Variants in GOT1 observed in about 807,000 individuals in gnomAD.
GOT1 encodes aspartate aminotransferase, cytoplasmic.
Under a neutral mutation model 48.2 loss-of-function variants are expected in GOT1, and 25 were observed. That is an observed-to-expected ratio of 0.52 (90% CI 0.38 to 0.72). GOT1 has a LOEUF of 0.72. GOT1 is among the 30% of genes least tolerant of loss of function. The pLI is 0.00. For missense variants in GOT1, 380 were observed against 520.1 expected (o/e 0.73, Z 2.62); for synonymous variants, 188 against 193.8 (o/e 0.97, Z 0.25).
intron 8 of GOT1, among the ~76,000 whole-genome samples, chr10:99,401,685 T>A (rs1424941027): frequency 6.6e-6 from 1 of 150,722 alleles, no homozygotes; most frequent in Non-Finnish European, 1.5e-5. Flanking sequence ...AAAGAAGAAA[T>A]GACTCTTCTG....
chr10:99,403,677 G>A, intron 6 of GOT1, 43 bp from the exon 7 acceptor site: 2 of 1,613,908 alleles, frequency 1.2e-6, no homozygotes, highest in East Asian at 2.2e-5. Flanking sequence ...CTGAAGCAGG[G>A]AGTGATGCGA....
In GOT1 at chr10:99,402,688, G is replaced by C. The variant is rs4564264; in HGVS notation, c.994C>G (p.Leu332Val). The change falls in exon 8 of 9, where the codon CTG (leucine) becomes GTG (valine). Residue 332 changes from leucine (L) to valine (V), a missense_variant. Coordinates refer to ENST00000370508, the MANE Select transcript of GOT1 (RefSeq NM_002079.3). Reference sequence around the variant, plus strand: ...GCCCTGAGTTCAGATCTCATGGTCAGAATCCGGTCAGCCATTGTCTTCACA... The same window carrying C: ...GCCCTGAGTTCAGATCTCATGGTCACAATCCGGTCAGCCATTGTCTTCACA... ...GNVKTMADRI[L>V]TMRSELRARL... The C allele has an allele frequency of 1.2e-6, 2 of 1,613,920 alleles. No individual in the cohort carries two copies. The highest frequency in any genetic ancestry group is 4.5e-5 in the East Asian group (2 of 44,872).
At position 99,424,219 on chromosome 10, in the gene GOT1, T is replaced by C. The variant is rs183335699; in HGVS notation, c.119-3414A>G. 2.3e-3 allele frequency among the ~76,000 whole-genome samples: 350 copies of C among 152,322 alleles called. 2 individuals carry two copies. The highest frequency in any genetic ancestry group is 2.0e-3 in the Non-Finnish European group (134 of 68,026). ...ATCTCATTATTTTGAATAGCCTCAA[T>C]AGTGCCAAATCTTTGTCCTTTGAAA... On this transcript the variant is annotated intron_variant, in intron 1 of 8. Transcript: ENST00000370508.
chr10:99,401,420 T>C (rs1313099940), intron 8 of GOT1, among the ~76,000 whole-genome samples: 1 of 152,118 alleles, frequency 6.6e-6, no homozygotes, highest in Non-Finnish European at 1.5e-5. Flanking sequence ...GTTAAATACC[T>C]CCCCACGGCC....
Position 99,420,809 on chromosome 10 carries a change from G to C in GOT1, c.119-4C>G, listed in dbSNP as rs757346593. The C allele has an allele frequency of 3.1e-5, 50 of 1,611,808 alleles. No individual in the cohort carries two copies. Among genetic ancestry groups the C allele is most frequent in the Non-Finnish European group, 4.2e-5 (49 of 1,178,474 alleles). ...TGGCAGTCATCCGTGCGATATGCTG[G>C]AGAATGGAAAAGAGTTATACATAGT... On this transcript the variant is annotated splice_region_variant and splice_polypyrimidine_tract_variant and intron_variant, in intron 1 of 8. Coordinates refer to ENST00000370508, the MANE Select transcript of GOT1 (RefSeq NM_002079.3).
At chr10:99,420,882 G>C in intron 1 of GOT1, 77 bp from the exon 2 acceptor site, 1 of 1,178,184 alleles carries the variant, frequency 8.5e-7, no homozygotes, top group South Asian at 1.4e-5. Context: ...TGTGAACCAG[G>C]AGAATCCCAC....
At chr10:99,400,597 G>A (rs187261931) in intron 8 of GOT1, among the ~76,000 whole-genome samples, 26 of 152,048 alleles carry the variant, frequency 1.7e-4, no homozygotes, top group Non-Finnish European at 3.4e-4. Flanking sequence ...AGATTGCACC[G>A]CTGTACTCCA....
intron 3 of GOT1, 31 bp downstream of exon 3, chr10:99,406,695 T>C: frequency 6.2e-7 from 1 of 1,605,986 alleles, no homozygotes; most frequent in Non-Finnish European, 8.5e-7. Context: ...CTGGTTTCTG[T>C]TTTTCCTCTC....
intron 2 of GOT1, among the ~76,000 whole-genome samples, chr10:99,419,735 A>G (rs1341338384): frequency 6.6e-6 from 1 of 152,020 alleles, no homozygotes; most frequent in Non-Finnish European, 1.5e-5. Flanking sequence ...TGTTTTTAAA[A>G]ACTCCCCAGG....
intron 8 of GOT1, among the ~76,000 whole-genome samples, chr10:99,401,948 C>A (rs1159762824): frequency 6.6e-6 from 1 of 152,036 alleles, no homozygotes; most frequent in South Asian, 2.1e-4. Context: ...GCTGGGACTA[C>A]AGGCGCCTGC....
intron 2 of GOT1, among the ~76,000 whole-genome samples, chr10:99,419,050 G>C (rs1287971646): frequency 6.6e-6 from 1 of 152,144 alleles, no homozygotes; most frequent in Non-Finnish European, 1.5e-5. Flanking sequence ...CTGCTTCCTG[G>C]TACATGTACA....
intron 7 of GOT1, among the ~76,000 whole-genome samples, chr10:99,403,258 C>T (rs1344562438): frequency 1.3e-5 from 2 of 152,018 alleles, no homozygotes; most frequent in African/African-American, 2.4e-5. Flanking sequence ...TACCATTCAT[C>T]GAGTGCCCCC....
intron 2 of GOT1, chr10:99,420,415 C>G: frequency 1.9e-6 from 1 of 514,482 alleles, no homozygotes; most frequent in East Asian, 3.3e-5. Context: ...ATCTGATGAT[C>G]TACTGGGCAA....
rs1175677056 is a variant in GOT1, at chr10:99,403,564, C to A, written c.864G>T (p.Met288Ile). The A allele has an allele frequency of 6.2e-7, 1 of 1,614,124 alleles. No individual in the cohort carries two copies. The highest frequency in any genetic ancestry group is 8.5e-7 in the Non-Finnish European group (1 of 1,180,008). Residue 288 changes from methionine to isoleucine, a missense_variant, in exon 7 of 9, where the codon ATG (methionine) becomes ATT (isoleucine). Transcript: ENST00000370508. ...PESILQVLSQ[M>I]EKIVRITWSN... The stretch of plus-strand genomic sequence containing the variant: ...ACCAAGTAATCCGCACGATCTTCTC[C>A]ATCTGGGAAAGGACTTGCAGGATGC...
intron 2 of GOT1, among the ~76,000 whole-genome samples, chr10:99,407,819 G>A (rs2032781066): frequency 1.4e-5 from 2 of 142,016 alleles, no homozygotes; most frequent in African/African-American, 5.0e-5. Context: ...TTTACTTTAA[G>A]TTCTGGGATA....
chr10:99,403,392 G>T, intron 7 of GOT1, 77 bp downstream of exon 7: 1 of 1,159,988 alleles, frequency 8.6e-7, no homozygotes, highest in South Asian at 1.5e-5. Context: ...GAAAGGAAGA[G>T]ACCCAGTTAA....
At chr10:99,417,371 C>A (rs1188939943) in intron 2 of GOT1, among the ~76,000 whole-genome samples, 1 of 152,120 alleles carries the variant, frequency 6.6e-6, no homozygotes, top group Non-Finnish European at 1.5e-5. Flanking sequence ...AAATCAAAAC[C>A]ACAATGAGAT....
chr10:99,414,494 G>C (rs536003078), intron 2 of GOT1, among the ~76,000 whole-genome samples: 1 of 152,058 alleles, frequency 6.6e-6, no homozygotes, highest in South Asian at 2.1e-4. Context: ...AATAATAGGA[G>C]ACTTTAACAC....
At chr10:99,412,694 C>G (rs528964772) in intron 2 of GOT1, among the ~76,000 whole-genome samples, 2 of 152,030 alleles carry the variant, frequency 1.3e-5, no homozygotes, top group South Asian at 4.1e-4. Flanking sequence ...GGAGGCACCC[C>G]CCAGTAGGGG....
Sources: gnomAD v4.1 joint callset for allele counts (sites outside exome capture counted in the v4.1 genomes callset) on GRCh38, gnomAD v4.1.1 for gene constraint, MANE v1.5 for transcripts, NCBI Gene and HGNC (gene_info 2026-07-23, HGNC 2026-07-21) for gene names.